Variants in FER observed in about 807,000 individuals in gnomAD.
FER encodes tyrosine-protein kinase Fer.
A neutral mutation model predicts 111.0 loss-of-function variants in FER; 63 were observed. The ratio of observed to expected loss-of-function variants is 0.57; its 90% CI spans 0.46 to 0.70. FER has a LOEUF of 0.70. Among genes scored for constraint, FER ranks in the 30% least tolerant of loss-of-function variants. FER has a pLI of 0.00. For missense variants in FER, 914 were observed against 954.0 expected (o/e 0.96, Z 0.55); for synonymous variants, 327 against 313.9 (o/e 1.04, Z -0.44).
Position 109,048,328 on chromosome 5 carries a change from T to G in FER, c.1924+1130T>G, listed in dbSNP as rs559579138. ...CTCATTAAGATGGCATTGTCTGTGT[T>G]AAGTACATTGTATGTTTTAATGGTT... On this transcript the variant is annotated intron_variant, in intron 16 of 19. Coordinates refer to ENST00000281092, the MANE Select transcript of FER (RefSeq NM_005246.4). Among the ~76,000 whole-genome samples, 5 of 152,336 alleles carry G rather than the reference T, an allele frequency of 3.3e-5. 1 individual carries two copies. In the South Asian group the frequency reaches 1.0e-3, roughly 32 times the overall value.
chr5:108,864,903 T>C lies in FER; in HGVS notation c.482-2864T>C, dbSNP rs559808800. ...TTTCCAATTCTTTGAAGAAAGTCAT[T>C]GGTAGCTTGATGGGGATGGCATTGA... On this transcript the variant is annotated intron_variant, in intron 5 of 19. Transcript: ENST00000281092. Among the ~76,000 whole-genome samples the C allele has an allele frequency of 2.0e-3, 308 of 152,068 alleles. 1 individual carries two copies. The highest frequency in any genetic ancestry group is 6.7e-3 in the African/African-American group (280 of 41,510).
chr5:108,892,580 T>C (rs1361153339), intron 9 of FER, among the ~76,000 whole-genome samples: 3 of 152,244 alleles, frequency 2.0e-5, no homozygotes, highest in Admixed American at 1.3e-4. Flanking sequence ...CTTTGTCAGA[T>C]GAGCAGCTTG....
At chr5:108,844,994 GTGTATATATATATATATATATATATA>G (rs1761753076) in intron 5 of FER, among the ~76,000 whole-genome samples, 1 of 42,636 alleles carries the variant, frequency 2.3e-5, no homozygotes, top group African/African-American at 7.6e-5. Context: ...GTGTGTGTGT[GTGTATATATATATATATATATATATA>G]TATATATATA....
At chr5:108,772,274 G>A (rs1752978043) in intron 2 of FER, among the ~76,000 whole-genome samples, 1 of 110,308 alleles carries the variant, frequency 9.1e-6, no homozygotes, top group Non-Finnish European at 2.0e-5. Flanking sequence ...GTTTAATGCA[G>A]TGGTTCGTAT....
rs556284376 is a variant in FER, at chr5:109,068,993, C to T, written c.1924+21795C>T. On this transcript the variant is annotated intron_variant, in intron 16 of 19. Transcript: ENST00000281092. ...CATTTTGGCTTAGTCCAAATGTTAACTAACTAATTAAAAAATTAATCTGGG... is the reference window on the plus strand; with the variant it reads ...CATTTTGGCTTAGTCCAAATGTTAATTAACTAATTAAAAAATTAATCTGGG... Among the ~76,000 whole-genome samples, 34 of 152,226 alleles carry T rather than the reference C, an allele frequency of 2.2e-4. 1 individual carries two copies. In the South Asian group the frequency reaches 6.6e-3, roughly 30 times the overall value.
At chr5:108,833,791 G>A (rs954516067) in intron 4 of FER, among the ~76,000 whole-genome samples, 3 of 151,520 alleles carry the variant, frequency 2.0e-5, no homozygotes, top group South Asian at 2.1e-4. Flanking sequence ...GGAGAATGGC[G>A]TGAACCTGGA....
chr5:108,936,556 G>A lies in FER; in HGVS notation c.1237-9574G>A, dbSNP rs147788081. 5.5e-4 allele frequency among the ~76,000 whole-genome samples: 84 copies of A among 151,986 alleles called. No individual in the cohort carries two copies. The East Asian group carries it at 0.016, about 29-fold the overall frequency. ...ACCCAGTGTACAACAATTCTCATGG[G>A]TACTTTATTAATTCAAGCAGACTAG... On this transcript the variant is annotated intron_variant, in intron 10 of 19. Transcript: ENST00000281092.
At chr5:108,947,531 A>G (rs1350735736) in intron 11 of FER, among the ~76,000 whole-genome samples, 3 of 151,966 alleles carry the variant, frequency 2.0e-5, no homozygotes, top group South Asian at 2.1e-4. Context: ...TTCTTTGCAC[A>G]TTTTAAAATT....
intron 17 of FER, among the ~76,000 whole-genome samples, chr5:109,104,909 A>AT (rs1314419202): frequency 6.6e-6 from 1 of 151,608 alleles, no homozygotes. Flanking sequence ...CGCCCGGCTA[A>AT]TTTTTTTGTG....
chr5:108,995,786 A>G (rs1763907054), intron 13 of FER, among the ~76,000 whole-genome samples: 1 of 152,186 alleles, frequency 6.6e-6, no homozygotes, highest in African/African-American at 2.4e-5. Context: ...ATAGCCAGTA[A>G]TGGGATTGCT....
intron 17 of FER, among the ~76,000 whole-genome samples, chr5:109,140,522 G>A (rs1396797975): frequency 6.6e-6 from 1 of 152,110 alleles, no homozygotes; most frequent in Non-Finnish European, 1.5e-5. Context: ...AGAAAATGTG[G>A]CTTTTTAAAA....
At chr5:108,749,341 G>C (rs1241543671) in intron 1 of FER, among the ~76,000 whole-genome samples, 3 of 152,030 alleles carry the variant, frequency 2.0e-5, no homozygotes, top group Non-Finnish European at 4.4e-5. Context: ...GTGCCGGCGC[G>C]AAAGGGCTGT....
intron 9 of FER, among the ~76,000 whole-genome samples, chr5:108,887,628 A>C (rs1029417871): frequency 2.0e-5 from 3 of 151,826 alleles, no homozygotes; most frequent in African/African-American, 7.2e-5. Flanking sequence ...CATTTAATGT[A>C]CTTCGTGCAT....
chr5:109,022,596 GC>G (rs569441172), intron 13 of FER, among the ~76,000 whole-genome samples: 1 of 152,036 alleles, frequency 6.6e-6, no homozygotes, highest in Non-Finnish European at 1.5e-5. Flanking sequence ...GTGACATTGG[GC>G]CCCACAAAGG....
intron 17 of FER, among the ~76,000 whole-genome samples, chr5:109,147,822 G>GAC (rs1554148891): frequency 9.4e-5 from 14 of 148,756 alleles, no homozygotes; most frequent in African/African-American, 2.7e-4. Flanking sequence ...GAGAGAGAGA[G>GAC]AGAGACAGAG....
intron 10 of FER, among the ~76,000 whole-genome samples, chr5:108,923,464 C>T (rs528743262): frequency 6.6e-6 from 1 of 152,160 alleles, no homozygotes; most frequent in African/African-American, 2.4e-5. Flanking sequence ...GACTCTCTTG[C>T]TCTTTTCTAT....
chr5:109,152,500 A>G (rs934197608), intron 17 of FER, among the ~76,000 whole-genome samples: 4 of 152,016 alleles, frequency 2.6e-5, no homozygotes, highest in African/African-American at 9.7e-5. Context: ...TAATAAATAT[A>G]AATGTCAGGT....
intron 10 of FER, among the ~76,000 whole-genome samples, chr5:108,928,474 G>A (rs1009795304): frequency 2.0e-5 from 3 of 151,964 alleles, no homozygotes; most frequent in Non-Finnish European, 4.4e-5. Flanking sequence ...ATGTATTATA[G>A]GGCTCAACTT....
chr5:109,037,425 A>T lies in FER; in HGVS notation c.1660A>T (p.Lys554Ter). ...CTGTTCTTATTCTTTGCTGTAGGAC[A>T]AGAAATGGATTCTCAGTCATGAAGA... ...VVLLNPIPKD[K>*]KWILSHEDVI... Residue 554 changes from lysine (K) to a stop codon, truncating the protein, a stop_gained, in exon 14 of 20, where the codon AAG (lysine) becomes TAG (stop). Coordinates refer to ENST00000281092, the MANE Select transcript of FER (RefSeq NM_005246.4). LOFTEE classifies it high-confidence loss of function. 6.2e-7 allele frequency: 1 copy of T among 1,611,578 alleles called. No homozygotes were observed.
Sources: allele counts gnomAD v4.1 joint callset (sites outside exome capture counted in the v4.1 genomes callset), GRCh38; gene constraint gnomAD v4.1.1; transcripts MANE v1.5; gene names NCBI Gene and HGNC (gene_info 2026-07-23, HGNC 2026-07-21).